DKK3: variants seen among roughly 807,000 people sequenced by gnomAD.
DKK3 encodes the protein dickkopf-related protein 3.
Under a neutral mutation model 33.2 loss-of-function variants are expected in DKK3, and 22 were observed. The ratio of observed to expected loss-of-function variants is 0.66; its 90% CI spans 0.47 to 0.95. The LOEUF (loss-of-function observed/expected upper bound fraction) is 0.95. Ranked by LOEUF, DKK3 falls within the 40% of genes least tolerant of loss-of-function variation. The pLI is 0.00. For missense variants in DKK3, 398 were observed against 458.4 expected (o/e 0.87, Z 1.20); for synonymous variants, 194 against 188.8 (o/e 1.03, Z -0.23).
At chr11:11,980,876 C>T (rs1354406369) in intron 3 of DKK3, among the ~76,000 whole-genome samples, 1 of 152,304 alleles carries the variant, frequency 6.6e-6, no homozygotes, top group Non-Finnish European at 1.5e-5. Context: ...CCTGTCCAGG[C>T]GACCCATGGC....
upstream of DKK3, chr11:12,008,634 G>A (rs1848594031): frequency 4.6e-6 from 6 of 1,318,558 alleles, no homozygotes; most frequent in South Asian, 2.2e-5. The surrounding 1 kb of genome is among the most constrained non-coding windows in gnomAD (Gnocchi z 4.6). Context: ...CGCGATCAGA[G>A]GCGCGCGGAC....
At chr11:11,979,352 T>C (rs535518978) in intron 3 of DKK3, among the ~76,000 whole-genome samples, 212 of 152,340 alleles carry the variant, frequency 1.4e-3, no homozygotes, top group Non-Finnish European at 1.8e-3. Context: ...AGCGTCTGGA[T>C]GCAGAGCAGG....
intron 3 of DKK3, among the ~76,000 whole-genome samples, chr11:11,970,256 A>T (rs936305890): frequency 4.6e-5 from 7 of 152,194 alleles, no homozygotes; most frequent in African/African-American, 1.7e-4. Flanking sequence ...TGCCCTTAAG[A>T]AATTCGTAAT....
At chr11:11,972,084 T>C (rs1272419711) in intron 3 of DKK3, among the ~76,000 whole-genome samples, 1 of 152,222 alleles carries the variant, frequency 6.6e-6, no homozygotes, top group Non-Finnish European at 1.5e-5. Context: ...GACTCCAAGG[T>C]GCACAAACTG....
At chr11:12,002,698 G>C (rs575320001) in intron 1 of DKK3, among the ~76,000 whole-genome samples, 2 of 152,258 alleles carry the variant, frequency 1.3e-5, no homozygotes, top group African/African-American at 4.8e-5. Flanking sequence ...GGCTCAGGAA[G>C]ACTAGATAAA....
intron 3 of DKK3, among the ~76,000 whole-genome samples, chr11:11,993,255 CT>C (rs1383543978): frequency 2.0e-5 from 3 of 152,146 alleles, no homozygotes; most frequent in Admixed American, 2.0e-4. Flanking sequence ...GAAAGATCTA[CT>C]AATGATTTAA....
intron 3 of DKK3, among the ~76,000 whole-genome samples, chr11:11,991,399 C>T (rs1425124142): frequency 3.9e-5 from 6 of 152,142 alleles, no homozygotes; most frequent in Admixed American, 2.0e-4. Context: ...CTGCTGTTCT[C>T]GCTCTATTAG....
At chr11:11,992,466 C>T (rs1333575082) in intron 3 of DKK3, among the ~76,000 whole-genome samples, 2 of 152,202 alleles carry the variant, frequency 1.3e-5, no homozygotes, top group Non-Finnish European at 2.9e-5. Context: ...GAGGCAGTAG[C>T]CTGCATGTCC....
rs1160662574 is a variant in DKK3, at chr11:12,008,566, G to A, written c.17C>T (p.Ala6Val). 6.7e-7 allele frequency: 1 copy of A among 1,482,938 alleles called. No homozygotes were observed. The highest frequency in any genetic ancestry group is 8.9e-7 in the Non-Finnish European group (1 of 1,126,328). The allele number at this position is 1,482,938 out of a possible 1,614,324, so 91.9% of individuals were successfully genotyped here. The change falls in exon 1 of 7, where the codon GCC (alanine) becomes GTC (valine). Residue 6 changes from alanine to valine, a missense_variant. Physicochemically the swap from Ala to Val is moderately conservative, Grantham distance 64 (BLOSUM62 0). Coordinates refer to ENST00000683431, the MANE Select transcript of DKK3 (RefSeq NM_001018057.2). This position sits in a 1 kb window ranked among gnomAD's most constrained non-coding sequence, Gnocchi z 4.6. ...CGCCAGCAGCAGGCACAGCAGGGTG[G>A]CCCCAAGCCGCTGCATCTCCGCTCT... MQRLG[A>V]TLLCLLLAAA...
Position 11,966,937 on chromosome 11 carries a change from G to A in DKK3, c.673+17C>T. The stretch of plus-strand genomic sequence containing the variant: ...TTGGGACAGGGTTTTTCCTGCATCT[G>A]AGGGGAGGCCACTCACCTCTCTGGA... On this transcript the variant is annotated intron_variant, in intron 5 of 6. Transcript: ENST00000683431. 1 of 1,612,640 alleles carries A rather than the reference G, an allele frequency of 6.2e-7. No homozygotes were observed. Among genetic ancestry groups the A allele is most frequent in the Non-Finnish European group, 8.5e-7 (1 of 1,179,216 alleles).
intron 2 of DKK3, among the ~76,000 whole-genome samples, chr11:11,999,137 T>G (rs1688942893): frequency 6.6e-6 from 1 of 152,198 alleles, no homozygotes; most frequent in Admixed American, 6.5e-5. Context: ...TCAACTTTAT[T>G]CTTGACAAAT....
chr11:11,978,184 G>T (rs566373218), intron 3 of DKK3, among the ~76,000 whole-genome samples: 24 of 152,278 alleles, frequency 1.6e-4, no homozygotes, highest in African/African-American at 5.8e-4. Context: ...GCAGGAGAAG[G>T]TTGAGAAGGA....
chr11:11,982,848 A>G (rs1173494862), intron 3 of DKK3, among the ~76,000 whole-genome samples: 2 of 152,206 alleles, frequency 1.3e-5, no homozygotes, highest in Non-Finnish European at 2.9e-5. Flanking sequence ...CAAACACGGC[A>G]ATTAATGGGA....
At chr11:12,001,338 C>T (rs775418247) in intron 2 of DKK3, among the ~76,000 whole-genome samples, 2 of 152,184 alleles carry the variant, frequency 1.3e-5, no homozygotes, top group Non-Finnish European at 2.9e-5. Context: ...GGGAGAAGTG[C>T]CACACAAAAG....
chr11:12,008,798 C>T, upstream of DKK3: 3 of 1,184,224 alleles, frequency 2.5e-6, no homozygotes, highest in Non-Finnish European at 3.1e-6. The surrounding 1 kb of genome is among the most constrained non-coding windows in gnomAD (Gnocchi z 4.6). Context: ...CCCACCCGCT[C>T]CAGCCCGAGC....
intron 3 of DKK3, among the ~76,000 whole-genome samples, chr11:11,996,386 T>C (rs1484773024): frequency 6.6e-6 from 1 of 151,970 alleles, no homozygotes; most frequent in Non-Finnish European, 1.5e-5. Flanking sequence ...AATAGGAAGG[T>C]GGTTGAATGA....
chr11:11,991,362 G>A (rs923364436), intron 3 of DKK3, among the ~76,000 whole-genome samples: 2 of 152,126 alleles, frequency 1.3e-5, no homozygotes, highest in Admixed American at 6.5e-5. Context: ...GCTGGGTCAT[G>A]GGGGCAGATC....
intron 3 of DKK3, among the ~76,000 whole-genome samples, chr11:11,991,485 C>T (rs1047024737): frequency 6.6e-6 from 1 of 151,872 alleles, no homozygotes; most frequent in Non-Finnish European, 1.5e-5. Context: ...TTTGGGAGGC[C>T]GAGGTGGGAG....
chr11:11,998,157 T>C (rs1188699150), intron 3 of DKK3: 2 of 160,640 alleles, frequency 1.2e-5, no homozygotes, highest in Non-Finnish European at 2.7e-5. Flanking sequence ...TATGACTCTA[T>C]AATTCTGTGA....
Sources: allele counts gnomAD v4.1 joint callset (sites outside exome capture counted in the v4.1 genomes callset), GRCh38; gene constraint gnomAD v4.1.1; non-coding constraint Gnocchi (gnomAD v3.1); transcripts MANE v1.5; gene names NCBI Gene and HGNC (gene_info 2026-07-23, HGNC 2026-07-21).